Variants in BEND7 observed in about 807,000 individuals in gnomAD.
BEND7 encodes the protein BEN domain-containing protein 7.
BEND7 carries 28 observed loss-of-function variants against 50.9 expected under a neutral mutation model. The observed-to-expected ratio is 0.55, with a 90% CI of 0.41 to 0.75. The LOEUF is 0.75. BEND7 is among the 30% of genes least tolerant of loss of function. The probability of loss-of-function intolerance (pLI) is 0.00; values close to 1 mark genes in which losing one functional copy is unlikely to be tolerated. For missense variants in BEND7, 477 were observed against 491.3 expected, an observed-to-expected ratio of 0.97 and a Z score of 0.28; for synonymous variants, 170 against 183.9, an observed-to-expected ratio of 0.92 and a Z score of 0.61.
chr10:13,520,457 C>T (rs574186349), intron 2 of BEND7, among the ~76,000 whole-genome samples: 14 of 152,088 alleles, frequency 9.2e-5, no homozygotes, highest in African/African-American at 2.7e-4. Flanking sequence ...CGGGTCAGAC[C>T]GTGCATACTA....
chr10:13,458,868 TCTTA>T (rs1268616078), intron 6 of BEND7, among the ~76,000 whole-genome samples: 2 of 152,114 alleles, frequency 1.3e-5, no homozygotes, highest in Admixed American at 6.5e-5. Flanking sequence ...CTCTCTTTCC[TCTTA>T]CTGTCTTAGA....
downstream of BEND7, among the ~76,000 whole-genome samples, chr10:13,440,837 C>T (rs1475731567): frequency 6.6e-6 from 1 of 152,228 alleles, no homozygotes; most frequent in Non-Finnish European, 1.5e-5. Flanking sequence ...GTACTTAACG[C>T]TCAAGTGTTT....
intron 6 of BEND7, among the ~76,000 whole-genome samples, chr10:13,467,275 A>G (rs2074347334): frequency 6.6e-6 from 1 of 152,216 alleles, no homozygotes. Flanking sequence ...AGGCTAAAAT[A>G]TACCTGGAGG....
chr10:13,469,948 C>T (rs1033512112), intron 6 of BEND7, among the ~76,000 whole-genome samples: 58 of 151,954 alleles, frequency 3.8e-4, no homozygotes, highest in African/African-American at 1.3e-3. Flanking sequence ...ATAGTCAATA[C>T]GTGTTATGGA....
chr10:13,467,315 C>T (rs1043037082), intron 6 of BEND7, among the ~76,000 whole-genome samples: 1 of 152,160 alleles, frequency 6.6e-6, no homozygotes, highest in African/African-American at 2.4e-5. Context: ...AAGAAGTCTT[C>T]AGGTAGGAAA....
Position 13,452,629 on chromosome 10 carries a change from G to A in BEND7, c.1093C>T (p.His365Tyr), listed in dbSNP as rs765271192. Residue 365 changes from histidine to tyrosine, a missense_variant, in exon 7 of 9, where the codon CAT (histidine) becomes TAT (tyrosine). His to Tyr is a moderately conservative substitution (Grantham distance 83, BLOSUM62 2). Transcript: ENST00000466271. ...CTTGGGCCAGGAAGCTTATCCACAT[G>A]GTTAGCTGTACAGTACTTTTCTGTG... is the stretch of plus-strand genomic sequence containing the variant. ...VFTEKYCTAN[H>Y]VDKLPGPRDW... 3.7e-6 allele frequency: 6 copies of A among 1,612,158 alleles called. No individual in the cohort carries two copies. The South Asian group carries it at 5.5e-5, about 15-fold the overall frequency.
chr10:13,515,852 G>T (rs974101717), intron 2 of BEND7, among the ~76,000 whole-genome samples: 1 of 152,212 alleles, frequency 6.6e-6, no homozygotes, highest in African/African-American at 2.4e-5. Context: ...CAAGGACCAT[G>T]CTGTAGCTTA....
At chr10:13,523,432 A>G (rs2079214275) in intron 2 of BEND7, among the ~76,000 whole-genome samples, 1 of 152,234 alleles carries the variant, frequency 6.6e-6, no homozygotes, top group Non-Finnish European at 1.5e-5. Flanking sequence ...AACCTCTGCC[A>G]CATTCTAGAA....
intron 6 of BEND7, among the ~76,000 whole-genome samples, chr10:13,469,823 CT>C (rs2074631521): frequency 6.6e-6 from 1 of 152,172 alleles, no homozygotes; most frequent in African/African-American, 2.4e-5. Context: ...CTTGCATACA[CT>C]TTTAGTTTTT....
intron 2 of BEND7, among the ~76,000 whole-genome samples, chr10:13,503,606 G>A (rs1029332212): frequency 1.3e-5 from 2 of 152,178 alleles, no homozygotes; most frequent in African/African-American, 4.8e-5. Context: ...CCAGCTACTC[G>A]GAGGCTGAGG....
chr10:13,515,179 C>T (rs2078576243), intron 2 of BEND7, among the ~76,000 whole-genome samples: 1 of 152,196 alleles, frequency 6.6e-6, no homozygotes, highest in Non-Finnish European at 1.5e-5. Flanking sequence ...ACCTGCATTA[C>T]ATTTCAGCTC....
intron 6 of BEND7, among the ~76,000 whole-genome samples, chr10:13,464,990 GCCTA>G (rs1234866933): frequency 1.3e-5 from 2 of 152,176 alleles, no homozygotes; most frequent in African/African-American, 4.8e-5. Context: ...CCCCGATAAG[GCCTA>G]CCTGAGTTCG....
chr10:13,505,862 G>A (rs559262623), intron 2 of BEND7, among the ~76,000 whole-genome samples: 29 of 152,142 alleles, frequency 1.9e-4, no homozygotes, highest in African/African-American at 3.6e-4. Context: ...TACAGCAGGC[G>A]TTCCATAAAC....
intron 5 of BEND7, among the ~76,000 whole-genome samples, chr10:13,482,926 A>G (rs1031415864): frequency 6.6e-6 from 1 of 152,214 alleles, no homozygotes; most frequent in Non-Finnish European, 1.5e-5. Context: ...TTTTACCATC[A>G]TAATCTAAGA....
intron 6 of BEND7, among the ~76,000 whole-genome samples, chr10:13,454,454 A>ATCAG (rs1335456763): frequency 6.6e-6 from 1 of 151,508 alleles, no homozygotes; most frequent in Non-Finnish European, 1.5e-5. Flanking sequence ...CAATCAATCA[A>ATCAG]TCCATCAGTC....
At chr10:13,528,040 A>G (rs1311353452) in intron 1 of BEND7, among the ~76,000 whole-genome samples, 1 of 152,164 alleles carries the variant, frequency 6.6e-6, no homozygotes, top group East Asian at 1.9e-4. Context: ...CCTTCTTAAA[A>G]AGAACAACAA....
intron 5 of BEND7, among the ~76,000 whole-genome samples, chr10:13,482,108 G>A (rs946822790): frequency 4.6e-5 from 7 of 152,136 alleles, no homozygotes; most frequent in Non-Finnish European, 7.3e-5. Context: ...TTCTTACACT[G>A]TATTAGAATT....
intron 6 of BEND7, among the ~76,000 whole-genome samples, chr10:13,453,303 C>T (rs891724117): frequency 3.9e-5 from 6 of 152,288 alleles, no homozygotes; most frequent in Admixed American, 2.0e-4. Flanking sequence ...TGGCCGCACA[C>T]GCAGCGCTGG....
chr10:13,451,621 T>A (rs531841957), intron 7 of BEND7, among the ~76,000 whole-genome samples: 90 of 152,306 alleles, frequency 5.9e-4, no homozygotes, highest in Admixed American at 1.2e-3. Context: ...TCTTTTTTTT[T>A]AATTGTACTT....
Sources: gnomAD v4.1 joint callset for allele counts (sites outside exome capture counted in the v4.1 genomes callset) on GRCh38, gnomAD v4.1.1 for gene constraint, MANE v1.5 for transcripts, NCBI Gene and HGNC (gene_info 2026-07-23, HGNC 2026-07-21) for gene names.